PLXNA4: variants seen among roughly 807,000 people sequenced by gnomAD.
PLXNA4 encodes the protein plexin A4, also known as plexin-A4.
A neutral mutation model predicts 191.8 loss-of-function variants in PLXNA4; 44 were observed. The ratio of observed to expected loss-of-function variants is 0.23; its 90% CI spans 0.18 to 0.29. The LOEUF (loss-of-function observed/expected upper bound fraction) is 0.29. Among genes scored for constraint, PLXNA4 ranks in the 10% least tolerant of loss-of-function variants. PLXNA4 has a pLI of 1.00. For missense variants in PLXNA4, 1,800 were observed against 2,488.8 expected (o/e 0.72, Z 5.89); for synonymous variants, 1,082 against 1,009.5 (o/e 1.07, Z -1.36).
At chr7:132,190,888 G>C (rs1797065150) in intron 14 of PLXNA4, among the ~76,000 whole-genome samples, 1 of 152,210 alleles carries the variant, frequency 6.6e-6, no homozygotes, top group Non-Finnish European at 1.5e-5. Context: ...GAGCCACTGA[G>C]CGGTGTGATG....
intron 3 of PLXNA4, among the ~76,000 whole-genome samples, chr7:132,388,219 C>G (rs1371948439): frequency 6.6e-6 from 1 of 152,170 alleles, no homozygotes; most frequent in Non-Finnish European, 1.5e-5. Context: ...TCCCATACAC[C>G]TGTCCTCCCT....
chr7:132,271,132 G>A (rs1464697994), intron 4 of PLXNA4: 1 of 152,094 alleles, frequency 6.6e-6, no homozygotes, highest in African/African-American at 2.4e-5. Context: ...TATTGACCAC[G>A]TTTGAGACAG....
chr7:132,576,398 C>T lies in PLXNA4; in HGVS notation c.-87+24G>A. The T allele has an allele frequency of 1.0e-6, 1 of 985,886 alleles. No individual in the cohort carries two copies. Among genetic ancestry groups the T allele is most frequent in the Non-Finnish European group, 1.2e-6 (1 of 830,016 alleles). The allele number at this position is 985,886 out of a possible 1,614,324, so 61.1% of individuals were successfully genotyped here. On this transcript the variant is annotated intron_variant, in intron 1 of 31. Transcript: ENST00000321063. This position sits in a 1 kb window ranked among gnomAD's most constrained non-coding sequence, Gnocchi z 5.8. ...TGCCCTCGCCGCCCGCCCGGCCCCA[C>T]TCCCCGGCGGGCCGGCTCCTTACCT... is the stretch of plus-strand genomic sequence containing the variant.
chr7:132,304,139 C>T (rs535978336), intron 3 of PLXNA4, among the ~76,000 whole-genome samples: 6 of 145,244 alleles, frequency 4.1e-5, no homozygotes, highest in East Asian at 4.8e-4. Flanking sequence ...TTCATAAAGA[C>T]GTAACATACT....
intron 20 of PLXNA4, among the ~76,000 whole-genome samples, chr7:132,178,695 AACACAT>A (rs1204258477): frequency 5.5e-5 from 5 of 90,802 alleles, no homozygotes; most frequent in Non-Finnish European, 1.0e-4. Flanking sequence ...TTGTAAATGA[AACACAT>A]ACACATACAC....
At chr7:132,594,994 TAGATAGATAGATAGATAGATAGATAGAC>T (rs1259096156) in intron 2 of PLXNA4, among the ~76,000 whole-genome samples, 6 of 47,492 alleles carry the variant, frequency 1.3e-4, no homozygotes, top group African/African-American at 3.7e-4. Context: ...GATAGATAGA[TAGATAGATAGATAGATAGATAGATAGAC>T]AGACAGACAG....
At chr7:132,138,103 G>C (rs923512359) in intron 30 of PLXNA4, among the ~76,000 whole-genome samples, 2 of 152,292 alleles carry the variant, frequency 1.3e-5, no homozygotes, top group African/African-American at 2.4e-5. Flanking sequence ...AAGAGTTATT[G>C]AGGCTTCCTG....
chr7:132,462,010 A>G (rs1315694820), intron 3 of PLXNA4, among the ~76,000 whole-genome samples: 1 of 152,244 alleles, frequency 6.6e-6, no homozygotes, highest in Non-Finnish European at 1.5e-5. Context: ...AATACTTAGT[A>G]TAATTTCAAT....
At chr7:132,236,768 T>TCC (rs1798715847) in intron 5 of PLXNA4, among the ~76,000 whole-genome samples, 1 of 152,112 alleles carries the variant, frequency 6.6e-6, no homozygotes, top group South Asian at 2.1e-4. Flanking sequence ...GCCACCTGTC[T>TCC]CCCTTCCTAG....
intron 3 of PLXNA4, among the ~76,000 whole-genome samples, chr7:132,399,256 C>T (rs1346644649): frequency 6.6e-6 from 1 of 152,140 alleles, no homozygotes; most frequent in African/African-American, 2.4e-5. Flanking sequence ...CAACCCAGTC[C>T]CTGCAAGACA....
At position 132,561,742 on chromosome 7, in the gene PLXNA4, CCTT is replaced by C. The variant is rs139688689; in HGVS notation, c.-87+14677_-87+14679del. 8.4e-3 allele frequency among the ~76,000 whole-genome samples: 1,119 copies of C among 132,908 alleles called. 47 individuals carry two copies. The highest frequency in any genetic ancestry group is 0.033 in the African/African-American group (1,044 of 31,818). 87.2% of individuals were successfully genotyped at this position (132,908 alleles called of 152,430 possible). The stretch of plus-strand genomic sequence containing the variant: ...TTCTCCTCCTCTTCCTCCTCCTCCT[CCTT>C]CTTCTCCTCCTCCTCCTTCTCCTCC... On this transcript the variant is annotated intron_variant, in intron 1 of 31. Transcript: ENST00000321063.
chr7:132,282,995 G>GCC (rs59094925), intron 4 of PLXNA4, among the ~76,000 whole-genome samples: 6 of 151,252 alleles, frequency 4.0e-5, no homozygotes, highest in African/African-American at 9.7e-5. Context: ...TCCCACCTCA[G>GCC]CCCCCCCCAA....
chr7:132,442,872 C>T lies in PLXNA4; in HGVS notation c.1371+46420G>A, dbSNP rs151066907. Among the ~76,000 whole-genome samples the T allele has an allele frequency of 1.9e-3, 287 of 152,278 alleles. 6 individuals carry two copies. In the East Asian group the frequency reaches 0.042, roughly 22 times the overall value. ...AAGGGATCAGTTTTTGGGGCTGGCA[C>T]GGCCTGAGAGGTCAAACCCCGGGAC... On this transcript the variant is annotated intron_variant, in intron 3 of 31. Transcript: ENST00000321063.
intron 2 of PLXNA4, among the ~76,000 whole-genome samples, chr7:132,631,964 G>A (rs938386412): frequency 6.6e-6 from 1 of 152,226 alleles, no homozygotes; most frequent in Non-Finnish European, 1.5e-5. Flanking sequence ...ATCGGGCATA[G>A]TGGCTCATGC....
intron 3 of PLXNA4, among the ~76,000 whole-genome samples, chr7:132,380,081 T>C (rs1804828238): frequency 6.6e-6 from 1 of 152,164 alleles, no homozygotes; most frequent in Non-Finnish European, 1.5e-5. Context: ...GGCTTGAGAA[T>C]TGCTTGAGAT....
intron 4 of PLXNA4, among the ~76,000 whole-genome samples, chr7:132,264,704 T>A (rs1200275504): frequency 4.4e-5 from 5 of 113,062 alleles, no homozygotes; most frequent in Non-Finnish European, 9.1e-5. Flanking sequence ...TTTTTTTTTC[T>A]TTTTCTTTTT....
intron 3 of PLXNA4, among the ~76,000 whole-genome samples, chr7:132,478,909 C>T (rs1470251994): frequency 1.3e-5 from 2 of 152,114 alleles, no homozygotes; most frequent in African/African-American, 4.8e-5. Context: ...TCCTTCCAAC[C>T]TCCTTGCCAC....
chr7:132,253,232 CTTTT>C (rs56010775), intron 4 of PLXNA4, among the ~76,000 whole-genome samples: 1 of 134,444 alleles, frequency 7.4e-6, no homozygotes, highest in South Asian at 2.3e-4. Context: ...TTTCTTTTTT[CTTTT>C]TTTTTTTTTT....
At chr7:132,222,295 C>T (rs971550644) in intron 9 of PLXNA4, among the ~76,000 whole-genome samples, 1 of 152,186 alleles carries the variant, frequency 6.6e-6, no homozygotes, top group African/African-American at 2.4e-5. Context: ...ATGGGAGCCC[C>T]CATGCAGCAG....
Sources: gnomAD v4.1 joint callset for allele counts (sites outside exome capture counted in the v4.1 genomes callset) on GRCh38, gnomAD v4.1.1 for gene constraint, Gnocchi (gnomAD v3.1) non-coding constraint, MANE v1.5 for transcripts, NCBI Gene and HGNC (gene_info 2026-07-23, HGNC 2026-07-21) for gene names.